The following RAB38 variants were observed in gnomAD, a reference collection of about 807,000 sequenced individuals.
RAB38 encodes RAB38, member RAS oncogene family, also known as ras-related protein Rab-38.
Under a neutral mutation model 18.4 loss-of-function variants are expected in RAB38, and 15 were observed. That is an observed-to-expected ratio of 0.82 (90% CI 0.55 to 1.26). The LOEUF (loss-of-function observed/expected upper bound fraction) is 1.26, where lower values mean the gene tolerates loss of function less well. Ranked by LOEUF, RAB38 falls within the 50% of genes most tolerant of loss-of-function variation. The pLI, the probability that RAB38 is intolerant of heterozygous loss-of-function variation, is 0.00. For synonymous variants in RAB38, 101 were observed against 104.4 expected, an observed-to-expected ratio of 0.97 and a Z score of 0.20; for missense variants, 294 against 267.4, an observed-to-expected ratio of 1.10 and a Z score of -0.69.
At chr11:87,900,314 C>G in the RAB38 span, among the ~76,000 whole-genome samples, 1 of 151,446 alleles carries the variant, frequency 6.6e-6, no homozygotes, top group Non-Finnish European at 1.5e-5. Context: ...CAAACACTCC[C>G]ATAGTATAGA....
chr11:88,153,625 A>G (rs1943089911), intron 1 of RAB38, among the ~76,000 whole-genome samples: 1 of 152,228 alleles, frequency 6.6e-6, no homozygotes, highest in Non-Finnish European at 1.5e-5. Context: ...TGTAAGCACA[A>G]GTCTTCAGGT....
At chr11:88,107,299 C>CT in the RAB38 span, among the ~76,000 whole-genome samples, 1 of 152,070 alleles carries the variant, frequency 6.6e-6, no homozygotes, top group Non-Finnish European at 1.5e-5. Flanking sequence ...CCTCCGAAGC[C>CT]TAGGTGACTG....
the RAB38 span, chr11:87,816,580 C>G: frequency 6.6e-6 from 1 of 152,006 alleles, no homozygotes; most frequent in Non-Finnish European, 1.5e-5. Context: ...GGATCTCTCT[C>G]TCTCCTCATT....
the RAB38 span, among the ~76,000 whole-genome samples, chr11:87,882,837 A>T: frequency 2.6e-5 from 4 of 151,842 alleles, no homozygotes; most frequent in African/African-American, 9.7e-5. Context: ...ATGGCTTATG[A>T]GGCATGGTCT....
the RAB38 span, among the ~76,000 whole-genome samples, chr11:87,922,941 G>A: frequency 6.7e-6 from 1 of 150,274 alleles, no homozygotes; most frequent in Non-Finnish European, 1.5e-5. Context: ...GGAATCAGAA[G>A]GAGAGAGAGA....
At chr11:87,880,336 C>T in the RAB38 span, among the ~76,000 whole-genome samples, 3 of 151,728 alleles carry the variant, frequency 2.0e-5, no homozygotes, top group African/African-American at 7.3e-5. Context: ...GTCCTGGCCA[C>T]AACATGCTCC....
chr11:88,155,706 AGT>A (rs1449431817), intron 1 of RAB38, among the ~76,000 whole-genome samples: 1 of 152,188 alleles, frequency 6.6e-6, no homozygotes. Context: ...GAAACTCAGA[AGT>A]GACAGATAAA....
chr11:87,909,359 T>G, the RAB38 span, among the ~76,000 whole-genome samples: 9 of 151,956 alleles, frequency 5.9e-5, no homozygotes, highest in African/African-American at 2.2e-4. Flanking sequence ...TTTGCAGGAG[T>G]TAAGAAGGGC....
chr11:88,108,734 G>A (rs1382880113), downstream of RAB38, among the ~76,000 whole-genome samples: 1 of 152,188 alleles, frequency 6.6e-6, no homozygotes, highest in Non-Finnish European at 1.5e-5. Flanking sequence ...TTTCTTCATA[G>A]TGTCGATGGT....
intron 1 of RAB38, among the ~76,000 whole-genome samples, chr11:88,152,065 C>A (rs566870866): frequency 6.6e-6 from 1 of 152,152 alleles, no homozygotes; most frequent in Non-Finnish European, 1.5e-5. Flanking sequence ...TTTTAAATTT[C>A]TTTTTTTCTT....
the RAB38 span, among the ~76,000 whole-genome samples, chr11:87,813,872 A>G: frequency 6.6e-6 from 1 of 152,164 alleles, no homozygotes; most frequent in African/African-American, 2.4e-5. Context: ...GTTTATTGCT[A>G]AAGATTTATC....
chr11:87,922,530 T>C, the RAB38 span, among the ~76,000 whole-genome samples: 1 of 151,422 alleles, frequency 6.6e-6, no homozygotes, highest in African/African-American at 2.4e-5. Context: ...ATTTGACAAG[T>C]CATTCAAATT....
At chr11:88,027,762 G>T in the RAB38 span, among the ~76,000 whole-genome samples, 1 of 152,210 alleles carries the variant, frequency 6.6e-6, no homozygotes, top group African/African-American at 2.4e-5. Context: ...AAGGAGGCCT[G>T]CCTGCCTGCC....
At chr11:87,928,817 A>C in the RAB38 span, among the ~76,000 whole-genome samples, 1 of 152,002 alleles carries the variant, frequency 6.6e-6, no homozygotes, top group African/African-American at 2.4e-5. Context: ...TTTTTGAATT[A>C]TATAAGAAAA....
chr11:87,954,793 C>T, the RAB38 span, among the ~76,000 whole-genome samples: 9 of 152,164 alleles, frequency 5.9e-5, no homozygotes, highest in South Asian at 4.2e-4. Flanking sequence ...ATGTGATGGG[C>T]ACCTACTGTG....
the RAB38 span, among the ~76,000 whole-genome samples, chr11:88,052,921 T>TTC: frequency 3.9e-5 from 1 of 25,346 alleles, no homozygotes; most frequent in South Asian, 1.5e-3. Flanking sequence ...TATATATATA[T>TTC]ATATATATAT....
the RAB38 span, among the ~76,000 whole-genome samples, chr11:88,045,334 T>G: frequency 6.6e-6 from 1 of 152,074 alleles, no homozygotes; most frequent in African/African-American, 2.4e-5. Flanking sequence ...GCAACATATT[T>G]CTGAGTTGCA....
At chr11:87,907,248 G>A in the RAB38 span, among the ~76,000 whole-genome samples, 9 of 151,808 alleles carry the variant, frequency 5.9e-5, no homozygotes, top group African/African-American at 1.7e-4. Context: ...GATTTGATAC[G>A]TGAAACACAG....
At chr11:87,907,064 C>T in the RAB38 span, among the ~76,000 whole-genome samples, 1 of 151,792 alleles carries the variant, frequency 6.6e-6, no homozygotes, top group South Asian at 2.1e-4. Flanking sequence ...GTGAACATGA[C>T]TAGGTAAGTT....
Sources: allele counts gnomAD v4.1 joint callset (sites outside exome capture counted in the v4.1 genomes callset), GRCh38; gene constraint gnomAD v4.1.1; transcripts MANE v1.5; gene names NCBI Gene and HGNC (gene_info 2026-07-23, HGNC 2026-07-21).